The following FAT3 variants were observed in gnomAD, a reference collection of about 807,000 sequenced individuals.
FAT3 encodes the protein protocadherin Fat 3.
A neutral mutation model predicts 310.2 loss-of-function variants in FAT3; 95 were observed. That is an observed-to-expected ratio of 0.31 (90% CI 0.26 to 0.36). FAT3 has a LOEUF of 0.36. Ranked by LOEUF, FAT3 falls within the 10% of genes least tolerant of loss-of-function variation. The probability of loss-of-function intolerance (pLI) is 1.00; values close to 1 mark genes in which losing one functional copy is unlikely to be tolerated. For synonymous variants in FAT3, 2,314 were observed against 2,192.9 expected, an observed-to-expected ratio of 1.06 and a Z score of -1.54; for missense variants, 5,408 against 5,715.6, an observed-to-expected ratio of 0.95 and a Z score of 1.74.
At chr11:92,739,932 C>T (rs1049991051) in intron 4 of FAT3, among the ~76,000 whole-genome samples, 3 of 152,176 alleles carry the variant, frequency 2.0e-5, no homozygotes, top group African/African-American at 4.8e-5. Flanking sequence ...ATCTCAGGAC[C>T]TTTCACACAT....
chr11:92,359,519 T>G (rs545783554), intron 2 of FAT3, among the ~76,000 whole-genome samples: 2 of 151,878 alleles, frequency 1.3e-5, no homozygotes, highest in Non-Finnish European at 1.5e-5. Flanking sequence ...AGGGTACATG[T>G]GCACATTGTG....
At chr11:92,450,392 G>C (rs1015026639) in intron 2 of FAT3, among the ~76,000 whole-genome samples, 1 of 152,148 alleles carries the variant, frequency 6.6e-6, no homozygotes, top group African/African-American at 2.4e-5. Flanking sequence ...TCCTGTGGCT[G>C]TGGGGGGTTG....
Position 92,890,673 on chromosome 11 carries a change from G to A in FAT3, c.13330G>A (p.Glu4444Lys), listed in dbSNP as rs1385542334. 6.2e-7 allele frequency: 1 copy of A among 1,613,614 alleles called. No homozygotes were observed. The highest frequency in any genetic ancestry group is 1.1e-5 in the South Asian group (1 of 91,036). ...TGAATACCCACCCCCTCATGAAGAG[G>A]AGTTCTTGAGTCAGGACCAGCTGCC... ...DSEYPPPHEEEFLSQDQLPPP... is the reference protein window; with the variant it reads ...DSEYPPPHEEKFLSQDQLPPP... Residue 4444 changes from glutamate (E) to lysine (K), a missense_variant, in exon 28 of 28, where the codon GAG becomes AAG. Glu to Lys is a moderately conservative substitution (Grantham distance 56). Coordinates refer to ENST00000525166, the MANE Select transcript of FAT3 (RefSeq NM_001367949.2).
intron 3 of FAT3, among the ~76,000 whole-genome samples, chr11:92,696,838 A>G (rs896101850): frequency 1.3e-5 from 2 of 151,870 alleles, no homozygotes; most frequent in Admixed American, 6.6e-5. Context: ...CACATAAAAC[A>G]AAATGATAAA....
intron 1 of FAT3, among the ~76,000 whole-genome samples, chr11:92,248,957 G>A (rs1591005220): frequency 6.6e-6 from 1 of 152,238 alleles, no homozygotes; most frequent in Non-Finnish European, 1.5e-5. Context: ...TTCGGAGAAA[G>A]TGAATGGATT....
At chr11:92,638,319 G>A (rs1003349775) in intron 3 of FAT3, among the ~76,000 whole-genome samples, 1 of 152,156 alleles carries the variant, frequency 6.6e-6, no homozygotes, top group Non-Finnish European at 1.5e-5. Context: ...ATGCAGTAAA[G>A]CAGTCAGAGG....
intron 15 of FAT3, 146 bp from the exon 16 acceptor site, chr11:92,836,420 T>G (rs1364193640): frequency 7.6e-6 from 6 of 785,300 alleles, no homozygotes; most frequent in Non-Finnish European, 1.1e-5. Flanking sequence ...TCTCTTCTGC[T>G]GGGGGCGTGG....
intron 3 of FAT3, among the ~76,000 whole-genome samples, chr11:92,646,979 T>A (rs1942191133): frequency 6.6e-6 from 1 of 152,120 alleles, no homozygotes; most frequent in Non-Finnish European, 1.5e-5. Context: ...TAGGCATAGC[T>A]TTTTTAGACC....
rs1474278646 is a variant in FAT3 at position 92,831,881 on chromosome 11, G to A, written c.9741G>A (p.Glu3247=). The A allele has an allele frequency of 2.5e-6, 4 of 1,613,246 alleles. No individual in the cohort carries two copies. The highest frequency in any genetic ancestry group is 3.4e-6 in the Non-Finnish European group (4 of 1,179,630). The change falls in exon 14 of 28, where the codon GAG becomes GAA. Residue 3247 remains glutamate (E), a synonymous_variant. Coordinates refer to ENST00000525166, the MANE Select transcript of FAT3 (RefSeq NM_001367949.2). ...GGGACTACCTGGTGACGGTGCCTGA[G>A]GACACCTCCCCTGGCACCCAAGTCC... ...ERRDYLVTVP[E]DTSPGTQVLA... is the part of the protein sequence containing the mutation.
At position 92,620,248 on chromosome 11, in the gene FAT3, T is replaced by G. The variant is rs1941022835; in HGVS notation, c.3608-77136T>G. Among the ~76,000 whole-genome samples the G allele has an allele frequency of 1.3e-5, 2 of 152,188 alleles. 1 individual carries two copies. Among genetic ancestry groups the G allele is most frequent in the Admixed American group, 1.3e-4 (2 of 15,286 alleles). ...ATAATTCCAATCTTTTTAAATTTAT[T>G]AAGGATTGTTCTATGGCCTAATAGA... On this transcript the variant is annotated intron_variant, in intron 3 of 27. Coordinates refer to ENST00000525166, the MANE Select transcript of FAT3 (RefSeq NM_001367949.2).
At chr11:92,706,217 C>T (rs1222926794) in intron 4 of FAT3, among the ~76,000 whole-genome samples, 1 of 152,002 alleles carries the variant, frequency 6.6e-6, no homozygotes, top group East Asian at 1.9e-4. Flanking sequence ...CTGAGATCTT[C>T]CCACCAGTAT....
chr11:92,321,100 A>G (rs1265742665), intron 1 of FAT3, among the ~76,000 whole-genome samples: 2 of 152,136 alleles, frequency 1.3e-5, no homozygotes, highest in Admixed American at 1.3e-4. Context: ...ATGAAATAAG[A>G]TAACTCTTTA....
At chr11:92,736,255 G>A (rs1450754365) in intron 4 of FAT3, among the ~76,000 whole-genome samples, 1 of 152,162 alleles carries the variant, frequency 6.6e-6, no homozygotes, top group East Asian at 1.9e-4. Context: ...GAGGGTTCAA[G>A]TTCAGGTAAG....
chr11:92,840,217 C>T (rs1207719166), intron 17 of FAT3, among the ~76,000 whole-genome samples: 1 of 152,164 alleles, frequency 6.6e-6, no homozygotes, highest in Admixed American at 6.5e-5. Flanking sequence ...TTCAGGTCAG[C>T]TCGGGCATTG....
At chr11:92,715,222 G>A (rs979742597) in intron 4 of FAT3, among the ~76,000 whole-genome samples, 36 of 150,470 alleles carry the variant, frequency 2.4e-4, no homozygotes, top group African/African-American at 7.3e-4. Context: ...TGGCTAACAC[G>A]GTGAAAGCCC....
chr11:92,836,622 G>T lies in FAT3; in HGVS notation c.10143G>T (p.Val3381=). 1.2e-6 allele frequency: 2 copies of T among 1,613,780 alleles called. No individual in the cohort carries two copies. Among genetic ancestry groups the T allele is most frequent in the Non-Finnish European group, 1.7e-6 (2 of 1,179,756 alleles). The change falls in exon 16 of 28, where the codon GTG becomes GTT. Residue 3381 remains valine, a synonymous_variant. Transcript: ENST00000525166. Reference sequence around the variant, plus strand: ...ACGGACAGATTCATTTTTCCATTGTGAATGGAGATCGGGACAATGAATTTA... The same window carrying T: ...ACGGACAGATTCATTTTTCCATTGTTAATGGAGATCGGGACAATGAATTTA... The part of the protein sequence containing the change: ...QPNGQIHFSI[V]NGDRDNEFTV...
intron 22 of FAT3, among the ~76,000 whole-genome samples, chr11:92,868,704 A>T (rs532745807): frequency 1.3e-3 from 197 of 152,364 alleles, no homozygotes; most frequent in Non-Finnish European, 2.4e-3. Flanking sequence ...ATGGGCTTCC[A>T]CAATGGATTA....
intron 3 of FAT3, among the ~76,000 whole-genome samples, chr11:92,622,989 A>T (rs1941155610): frequency 6.6e-6 from 1 of 152,124 alleles, no homozygotes; most frequent in South Asian, 2.1e-4. Flanking sequence ...CCAGAGAAGC[A>T]TCCCAGCAAG....
At chr11:92,367,011 T>C (rs779176645) in intron 2 of FAT3, 1 of 517,242 alleles carries the variant, frequency 1.9e-6, no homozygotes, top group Admixed American at 1.9e-5. Flanking sequence ...TCCTCATTAC[T>C]GGCAGCCACA....
Sources: allele counts gnomAD v4.1 joint callset (sites outside exome capture counted in the v4.1 genomes callset), GRCh38; gene constraint gnomAD v4.1.1; transcripts MANE v1.5; gene names NCBI Gene and HGNC (gene_info 2026-07-23, HGNC 2026-07-21).